ZNF487: variants seen among roughly 807,000 people sequenced by gnomAD.
ZNF487 encodes the protein KRAB domain only 1.
In ZNF487, 4 loss-of-function variants were observed where a neutral mutation model predicts 3.0. That is an observed-to-expected ratio of 1.35 (90% CI 0.66 to 3.08). The LOEUF (loss-of-function observed/expected upper bound fraction) is 3.08. Ranked by LOEUF, ZNF487 falls within the 30% of genes most tolerant of loss-of-function variation. ZNF487 has a pLI of 0.01. For synonymous variants in ZNF487, 55 were observed against 34.6 expected (o/e 1.59, Z -2.06); for missense variants, 146 against 98.7 (o/e 1.48, Z -2.03).
chr10:43,451,497 G>A (rs753812950), intron 1 of ZNF487, among the ~76,000 whole-genome samples: 13 of 150,352 alleles, frequency 8.6e-5, no homozygotes, highest in Non-Finnish European at 1.9e-4. Flanking sequence ...CACCCGCCTT[G>A]GCCTCCCAAA....
rs901298543 is a variant in ZNF487 at position 43,481,987 on chromosome 10, A to G, written c.*65A>G. 12 of 595,946 alleles carry G rather than the reference A, an allele frequency of 2.0e-5. No individual in the cohort carries two copies. The highest frequency in any genetic ancestry group is 5.2e-4 in the Middle Eastern group (2 of 3,876). The allele number at this position is 595,946 out of a possible 1,614,324, so 36.9% of individuals were successfully genotyped here. A position where few individuals can be genotyped will look rare whatever the true frequency, so the allele number is the denominator to read the frequency against. ...ATTCATTGTTCATCAGAGAACTCAC[A>G]TAAGGAAGAGTCACCATGAATTCAA... On this transcript the variant is annotated 3_prime_UTR_variant, in exon 4 of 4. Transcript: ENST00000437590.
chr10:43,490,020 ACT>A, the ZNF487 span, among the ~76,000 whole-genome samples: 1 of 152,138 alleles, frequency 6.6e-6, no homozygotes, highest in African/African-American at 2.4e-5. Context: ...TAGACAAGAA[ACT>A]CATATTAATA....
upstream of ZNF487, chr10:43,436,897 GAA>G: frequency 2.1e-6 from 1 of 469,420 alleles, no homozygotes; most frequent in South Asian, 1.6e-5. Context: ...CTTTCGTGGG[GAA>G]GCCGGACTGC....
the ZNF487 span, among the ~76,000 whole-genome samples, chr10:43,515,254 T>G: frequency 6.6e-6 from 1 of 152,166 alleles, no homozygotes; most frequent in Non-Finnish European, 1.5e-5. Flanking sequence ...ACCTCACCTC[T>G]AGGGGCCTGT....
At chr10:43,480,117 C>CTTTCTTTTCT (rs1588746430) in intron 3 of ZNF487, among the ~76,000 whole-genome samples, 1 of 131,654 alleles carries the variant, frequency 7.6e-6, no homozygotes, top group East Asian at 2.3e-4. Flanking sequence ...TCTTTCTTTT[C>CTTTCTTTTCT]TTTTTTTTGA....
chr10:43,484,342 C>T (rs1350341893), downstream of ZNF487, among the ~76,000 whole-genome samples: 2 of 152,008 alleles, frequency 1.3e-5, no homozygotes, highest in Non-Finnish European at 2.9e-5. Context: ...CGCGGTGGCT[C>T]ACACCTGTAA....
At chr10:43,502,907 T>C in the ZNF487 span, among the ~76,000 whole-genome samples, 1 of 151,882 alleles carries the variant, frequency 6.6e-6, no homozygotes, top group African/African-American at 2.4e-5. Flanking sequence ...GGCACATGCC[T>C]GTAGTCTCAG....
intron 1 of ZNF487, among the ~76,000 whole-genome samples, chr10:43,451,480 G>A (rs965440837): frequency 2.6e-5 from 4 of 151,356 alleles, no homozygotes; most frequent in Non-Finnish European, 5.9e-5. Context: ...CCTGATCTCA[G>A]GTGATCCACC....
In ZNF487 at chr10:43,483,179, C is replaced by A. The variant is rs1448917720; in HGVS notation, c.*1257C>A. 4.5e-5 allele frequency: 19 copies of A among 422,468 alleles called. No individual in the cohort carries two copies. The highest frequency in any genetic ancestry group is 8.9e-5 in the Non-Finnish European group (19 of 214,532). 26.2% of individuals were successfully genotyped at this position (422,468 alleles called of 1,614,324 possible). A position where few individuals can be genotyped will look rare whatever the true frequency, so the allele number is the denominator to read the frequency against. On this transcript the variant is annotated 3_prime_UTR_variant, in exon 4 of 4. Coordinates refer to ENST00000437590, the MANE Select transcript of ZNF487 (RefSeq NM_001355444.3). ...CCAATAAAGATGAGAAATCTTTTGC[C>A]TAGAAGTGATATTTCATTGAACAGC...
At chr10:43,448,808 C>T (rs1378802001) in intron 1 of ZNF487, among the ~76,000 whole-genome samples, 1 of 151,396 alleles carries the variant, frequency 6.6e-6, no homozygotes, top group African/African-American at 2.4e-5. Flanking sequence ...CAGAGGAAGA[C>T]TCCGTTTCAA....
At chr10:43,515,702 G>A in the ZNF487 span, among the ~76,000 whole-genome samples, 1 of 152,208 alleles carries the variant, frequency 6.6e-6, no homozygotes, top group Admixed American at 6.5e-5. Context: ...CAGGAGATAA[G>A]ACTCACTCAG....
intron 1 of ZNF487, among the ~76,000 whole-genome samples, chr10:43,448,995 G>GAAAAAAA (rs928786631): frequency 1.8e-5 from 1 of 56,338 alleles, no homozygotes; most frequent in African/African-American, 7.1e-5. Context: ...ACCTGTCTCC[G>GAAAAAAA]AAAAAAAAAA....
At chr10:43,450,851 C>A (rs1233108316) in intron 1 of ZNF487, among the ~76,000 whole-genome samples, 2 of 152,182 alleles carry the variant, frequency 1.3e-5, no homozygotes, top group Admixed American at 6.6e-5. Flanking sequence ...TTCCTCGTCT[C>A]TAAAGGTGAT....
the ZNF487 span, among the ~76,000 whole-genome samples, chr10:43,516,125 C>T: frequency 6.6e-6 from 1 of 152,176 alleles, no homozygotes; most frequent in Non-Finnish European, 1.5e-5. Flanking sequence ...AATGTAGGAG[C>T]AACCAACCAG....
At chr10:43,485,406 T>C (rs1841463150), downstream of ZNF487, among the ~76,000 whole-genome samples, 1 of 152,234 alleles carries the variant, frequency 6.6e-6, no homozygotes, top group African/African-American at 2.4e-5. Flanking sequence ...TGTCACATGA[T>C]TTACATTTCC....
intron 1 of ZNF487, among the ~76,000 whole-genome samples, chr10:43,449,270 G>T (rs1352697096): frequency 6.6e-6 from 1 of 152,060 alleles, no homozygotes; most frequent in African/African-American, 2.4e-5. Flanking sequence ...CTGCACTCCA[G>T]CCTCAGCGAC....
In ZNF487 at chr10:43,481,723, G is replaced by A. The variant is rs748090066; in HGVS notation, c.425G>A (p.Arg142His). ...GGGAAATTTCTCCTCTGTATGAAGC[G>A]TGAGAATCCTTATGCCAGAGGGAAA... ...VRGKFLLCMKRENPYARGKPL... is the reference protein window; with the variant it reads ...VRGKFLLCMKHENPYARGKPL... Residue 142 changes from arginine (R) to histidine (H), a missense_variant, in exon 4 of 4, where the codon CGT becomes CAT. Physicochemically the swap from Arg to His is conservative, Grantham distance 29. Coordinates refer to ENST00000437590, the MANE Select transcript of ZNF487 (RefSeq NM_001355444.3). The A allele has an allele frequency of 1.5e-5, 11 of 716,512 alleles. No homozygotes were observed. Among genetic ancestry groups the A allele is most frequent in the African/African-American group, 5.2e-5 (3 of 57,244 alleles). The allele number at this position is 716,512 out of a possible 1,614,324, so 44.4% of individuals were successfully genotyped here. A position where few individuals can be genotyped will look rare whatever the true frequency, so the allele number is the denominator to read the frequency against.
chr10:43,522,708 T>C, the ZNF487 span, among the ~76,000 whole-genome samples: 1 of 152,052 alleles, frequency 6.6e-6, no homozygotes, highest in Non-Finnish European at 1.5e-5. Context: ...CAATCCAGCC[T>C]GGGCAAAGAG....
chr10:43,510,220 A>G, the ZNF487 span, among the ~76,000 whole-genome samples: 1 of 152,244 alleles, frequency 6.6e-6, no homozygotes, highest in Non-Finnish European at 1.5e-5. Flanking sequence ...TCACATGGTC[A>G]TAGCTGGTAT....
Sources: allele counts gnomAD v4.1 joint callset (sites outside exome capture counted in the v4.1 genomes callset), GRCh38; gene constraint gnomAD v4.1.1; transcripts MANE v1.5; gene names NCBI Gene and HGNC (gene_info 2026-07-23, HGNC 2026-07-21).